TEC: variants seen among roughly 807,000 people sequenced by gnomAD.
The protein encoded by TEC is tec protein tyrosine kinase.
Under a neutral mutation model 93.0 loss-of-function variants are expected in TEC, and 72 were observed. The observed-to-expected ratio is 0.77, with a 90% CI of 0.64 to 0.94. The LOEUF (loss-of-function observed/expected upper bound fraction) is 0.94. Ranked by LOEUF, TEC falls within the 40% of genes least tolerant of loss-of-function variation. TEC has a pLI of 0.00. For synonymous variants in TEC, 249 were observed against 247.7 expected, an observed-to-expected ratio of 1.01 and a Z score of -0.05; for missense variants, 630 against 757.9, an observed-to-expected ratio of 0.83 and a Z score of 1.98.
intron 8 of TEC, 92 bp downstream of exon 8, chr4:48,163,610 A>G: frequency 1.2e-6 from 1 of 808,140 alleles, no homozygotes; most frequent in Non-Finnish European, 2.0e-6. Flanking sequence ...AAGAATCATG[A>G]AAGATATCCA....
intron 1 of TEC, among the ~76,000 whole-genome samples, chr4:48,267,572 C>T (rs181218856): frequency 7.5e-4 from 114 of 152,312 alleles, no homozygotes; most frequent in Middle Eastern, 3.4e-3. Flanking sequence ...CTTGAATGCC[C>T]AATTTATGAT....
At chr4:48,227,683 T>C (rs1723516778) in intron 2 of TEC, among the ~76,000 whole-genome samples, 1 of 147,072 alleles carries the variant, frequency 6.8e-6, no homozygotes, top group Non-Finnish European at 1.5e-5. Flanking sequence ...TCACCAACAG[T>C]CCACTGAAAC....
chr4:48,249,237 C>T (rs971665198), intron 1 of TEC, among the ~76,000 whole-genome samples: 5 of 152,168 alleles, frequency 3.3e-5, no homozygotes, highest in African/African-American at 9.7e-5. Flanking sequence ...TTCATAATGG[C>T]TTAGTAAATA....
intron 2 of TEC, among the ~76,000 whole-genome samples, chr4:48,179,653 T>C (rs915612385): frequency 2.6e-5 from 4 of 151,634 alleles, no homozygotes; most frequent in Non-Finnish European, 5.9e-5. Context: ...CCTCCCAAAG[T>C]GCTGGGATTA....
chr4:48,244,517 C>A (rs1012706268), intron 1 of TEC, among the ~76,000 whole-genome samples: 1 of 152,238 alleles, frequency 6.6e-6, no homozygotes, highest in African/African-American at 2.4e-5. Context: ...TCAATTACTT[C>A]CCACTGGGTC....
At chr4:48,237,256 G>A (rs1723810021) in intron 1 of TEC, among the ~76,000 whole-genome samples, 2 of 151,070 alleles carry the variant, frequency 1.3e-5, no homozygotes, top group Non-Finnish European at 1.5e-5. Context: ...GGAGGCAGAG[G>A]TTGCAGTGAG....
intron 1 of TEC, among the ~76,000 whole-genome samples, chr4:48,244,498 C>T (rs567117377): frequency 1.3e-5 from 2 of 152,328 alleles, no homozygotes; most frequent in Admixed American, 6.5e-5. Context: ...GAAAGACCTG[C>T]CCCATGATTC....
At chr4:48,264,638 A>G (rs1478800181) in intron 1 of TEC, among the ~76,000 whole-genome samples, 6 of 99,972 alleles carry the variant, frequency 6.0e-5, no homozygotes. Context: ...CCACATCTTC[A>G]GCATTTTTTT....
intron 8 of TEC, among the ~76,000 whole-genome samples, chr4:48,162,174 C>A (rs979940839): frequency 6.6e-6 from 1 of 152,156 alleles, no homozygotes; most frequent in Non-Finnish European, 1.5e-5. Flanking sequence ...TCTGCCTGCC[C>A]ACATGGGAAC....
chr4:48,251,305 G>A (rs11732863), intron 1 of TEC, among the ~76,000 whole-genome samples: 16,971 of 152,146 alleles, frequency 0.11, 1,146 homozygotes, highest in East Asian at 0.24. Context: ...ACCTGGAAGA[G>A]TGCTCCATTT....
intron 2 of TEC, among the ~76,000 whole-genome samples, chr4:48,217,825 T>C (rs1431804466): frequency 1.3e-5 from 2 of 151,682 alleles, no homozygotes; most frequent in African/African-American, 4.9e-5. Context: ...GATTCAATAA[T>C]AGTATATCAA....
At chr4:48,224,974 C>G (rs142252715) in intron 2 of TEC, among the ~76,000 whole-genome samples, 2 of 152,204 alleles carry the variant, frequency 1.3e-5, no homozygotes, top group South Asian at 2.1e-4. Flanking sequence ...TTAGATCAAT[C>G]GACAGCCTCC....
intron 4 of TEC, among the ~76,000 whole-genome samples, 172 bp from the exon 5 acceptor site, chr4:48,170,548 CT>C (rs1721058220): frequency 6.6e-6 from 1 of 152,186 alleles, no homozygotes. Flanking sequence ...TCTTTGACCT[CT>C]TCTTTTTTTG....
At chr4:48,225,107 A>C (rs1171751948) in intron 2 of TEC, among the ~76,000 whole-genome samples, 1 of 152,180 alleles carries the variant, frequency 6.6e-6, no homozygotes, top group Non-Finnish European at 1.5e-5. Context: ...TTTTTTTAAC[A>C]AAATATTATT....
At chr4:48,258,819 G>A (rs1156686194) in intron 1 of TEC, among the ~76,000 whole-genome samples, 1 of 152,108 alleles carries the variant, frequency 6.6e-6, no homozygotes, top group African/African-American at 2.4e-5. Context: ...TAGCGAATTT[G>A]TCTGACATGG....
intron 1 of TEC, among the ~76,000 whole-genome samples, chr4:48,266,200 A>G (rs1724635000): frequency 6.6e-6 from 1 of 152,246 alleles, no homozygotes; most frequent in Non-Finnish European, 1.5e-5. Flanking sequence ...ATCCTATTCC[A>G]GGAAGCTCCT....
intron 8 of TEC, among the ~76,000 whole-genome samples, chr4:48,159,983 T>C (rs1008855489): frequency 6.6e-5 from 10 of 152,120 alleles, no homozygotes; most frequent in South Asian, 2.1e-4. Context: ...TGCTCCAAAA[T>C]TGGGGATCAA....
At chr4:48,141,444 T>C (rs1315380995) in intron 14 of TEC, 25 bp from the exon 15 acceptor site, 1 of 1,606,310 alleles carries the variant, frequency 6.2e-7, no homozygotes, top group Non-Finnish European at 8.5e-7. Context: ...TATGATGGTA[T>C]ATTAGTTTAA....
intron 2 of TEC, among the ~76,000 whole-genome samples, chr4:48,196,291 G>A (rs1402464874): frequency 1.3e-5 from 2 of 152,170 alleles, no homozygotes; most frequent in Admixed American, 6.5e-5. Context: ...AGAGCTTACT[G>A]CTTAAAAGCA....
Sources: allele counts gnomAD v4.1 joint callset (sites outside exome capture counted in the v4.1 genomes callset), GRCh38; gene constraint gnomAD v4.1.1; transcripts MANE v1.5; gene names NCBI Gene and HGNC (gene_info 2026-07-23, HGNC 2026-07-21).